MAPK4: variants seen among roughly 807,000 people sequenced by gnomAD.
The protein encoded by MAPK4 is Erk3-related.
A neutral mutation model predicts 47.7 loss-of-function variants in MAPK4; 22 were observed. The observed-to-expected ratio is 0.46, with a 90% CI of 0.33 to 0.66. The LOEUF (loss-of-function observed/expected upper bound fraction) is 0.66. Among genes scored for constraint, MAPK4 ranks in the 30% least tolerant of loss-of-function variants. The probability of loss-of-function intolerance (pLI) is 0.02; values close to 1 mark genes in which losing one functional copy is unlikely to be tolerated. For synonymous variants in MAPK4, 390 were observed against 365.7 expected (o/e 1.07, Z -0.76); for missense variants, 736 against 831.7 (o/e 0.88, Z 1.42).
chr18:50,674,045 C>T (rs529579846), intron 2 of MAPK4, among the ~76,000 whole-genome samples: 1 of 152,048 alleles, frequency 6.6e-6, no homozygotes, highest in African/African-American at 2.4e-5. Flanking sequence ...AGTGGGAGGG[C>T]CTCGGTGCAT....
rs551587685 is a variant in MAPK4, at chr18:50,560,925, A to G, written c.-871+682A>G. Among the ~76,000 whole-genome samples the G allele has an allele frequency of 5.3e-5, 8 of 152,378 alleles. No individual in the cohort carries two copies. In the South Asian group the frequency reaches 1.7e-3, roughly 32 times the overall value. Reference sequence around the variant, plus strand: ...CTCCCGGGTTGCTCTCTATCAGGAAAGCAATCGGAAGTCAGGCCGGCTTTT... The same window carrying G: ...CTCCCGGGTTGCTCTCTATCAGGAAGGCAATCGGAAGTCAGGCCGGCTTTT... On this transcript the variant is annotated intron_variant, in intron 1 of 5. Coordinates refer to ENST00000400384, the MANE Select transcript of MAPK4 (RefSeq NM_002747.4).
At chr18:50,661,585 G>A (rs1291381642) in intron 1 of MAPK4, among the ~76,000 whole-genome samples, 2 of 152,208 alleles carry the variant, frequency 1.3e-5, no homozygotes, top group East Asian at 1.9e-4. Flanking sequence ...GGGTGGAGGG[G>A]TGGATGTCAG....
intron 1 of MAPK4, among the ~76,000 whole-genome samples, chr18:50,575,072 C>T (rs181184609): frequency 6.6e-6 from 1 of 152,262 alleles, no homozygotes; most frequent in East Asian, 1.9e-4. Flanking sequence ...GGAAGTGGGG[C>T]CTTCGGGGAG....
intron 2 of MAPK4, among the ~76,000 whole-genome samples, chr18:50,712,591 A>G (rs963388843): frequency 2.7e-5 from 4 of 149,984 alleles, no homozygotes; most frequent in East Asian, 1.9e-4. Flanking sequence ...CTTAGCTCCT[A>G]TCATGACCTG....
intron 1 of MAPK4, among the ~76,000 whole-genome samples, chr18:50,613,257 C>G (rs1292274108): frequency 1.3e-5 from 2 of 152,162 alleles, no homozygotes; most frequent in African/African-American, 4.8e-5. Context: ...AAGAGAGTGT[C>G]TCTTGTTGGC....
At chr18:50,718,924 A>G (rs1910776895) in intron 3 of MAPK4, among the ~76,000 whole-genome samples, 1 of 151,970 alleles carries the variant, frequency 6.6e-6, no homozygotes, top group Non-Finnish European at 1.5e-5. Flanking sequence ...TCTACTAAAA[A>G]TACAAAAAAA....
At chr18:50,579,964 C>A (rs560745371) in intron 1 of MAPK4, among the ~76,000 whole-genome samples, 1 of 152,296 alleles carries the variant, frequency 6.6e-6, no homozygotes, top group African/African-American at 2.4e-5. Context: ...CTACTCACTT[C>A]AATTTGGTGA....
chr18:50,664,076 A>G lies in MAPK4; in HGVS notation c.118A>G (p.Ser40Gly). 6.2e-7 allele frequency: 1 copy of G among 1,613,944 alleles called. No homozygotes were observed. The highest frequency in any genetic ancestry group is 8.5e-7 in the Non-Finnish European group (1 of 1,180,034). The part of the protein sequence containing the change: ...VNGLVLSAVD[S>G]RACRKVAVKK... ...TGGTTTGGTGCTGTCGGCCGTGGAC[A>G]GCCGGGCCTGCCGGAAGGTCGCTGT... Residue 40 changes from serine (S) to glycine (G), a missense_variant, in exon 2 of 6, where the codon AGC becomes GGC. Physicochemically the swap from Ser to Gly is moderately conservative, Grantham distance 56. Coordinates refer to ENST00000400384, the MANE Select transcript of MAPK4 (RefSeq NM_002747.4). The surrounding 1 kb of genome is among the most constrained non-coding windows in gnomAD (Gnocchi z 6.0).
intron 2 of MAPK4, among the ~76,000 whole-genome samples, chr18:50,668,558 G>T (rs1302428939): frequency 6.6e-6 from 1 of 152,206 alleles, no homozygotes; most frequent in Non-Finnish European, 1.5e-5. Context: ...AGGTCTAGGG[G>T]CCATGTAGAG....
chr18:50,601,132 CAG>C (rs1372340243), intron 1 of MAPK4, among the ~76,000 whole-genome samples: 1 of 148,922 alleles, frequency 6.7e-6, no homozygotes, highest in African/African-American at 2.5e-5. Flanking sequence ...AAGAAGAAGA[CAG>C]AGAGAGAGAC....
chr18:50,601,249 G>C (rs571471963), intron 1 of MAPK4, among the ~76,000 whole-genome samples: 1 of 149,296 alleles, frequency 6.7e-6, no homozygotes, highest in Non-Finnish European at 1.5e-5. Flanking sequence ...TGGGAAGATC[G>C]CTGGAGCCTG....
intron 1 of MAPK4, among the ~76,000 whole-genome samples, chr18:50,625,467 C>T (rs1357632112): frequency 1.3e-5 from 2 of 152,290 alleles, no homozygotes; most frequent in Middle Eastern, 3.4e-3. Context: ...GCAGGAGTCA[C>T]AAACCCCCAT....
At chr18:50,584,876 T>C (rs1021254016) in intron 1 of MAPK4, among the ~76,000 whole-genome samples, 2 of 152,204 alleles carry the variant, frequency 1.3e-5, no homozygotes, top group Admixed American at 6.5e-5. Flanking sequence ...GAATATTGAT[T>C]ACAAACTACA....
At chr18:50,656,417 C>A (rs1489407775) in intron 1 of MAPK4, among the ~76,000 whole-genome samples, 2 of 152,208 alleles carry the variant, frequency 1.3e-5, no homozygotes, top group East Asian at 3.8e-4. Flanking sequence ...GGGATCCCCC[C>A]ATAGGGCTGC....
chr18:50,689,817 G>A (rs1909112350), intron 2 of MAPK4, among the ~76,000 whole-genome samples: 1 of 152,180 alleles, frequency 6.6e-6, no homozygotes, highest in African/African-American at 2.4e-5. Context: ...TTACAAACCA[G>A]TTTAACTATA....
intron 2 of MAPK4, among the ~76,000 whole-genome samples, chr18:50,685,579 C>T (rs890661353): frequency 5.3e-5 from 8 of 152,180 alleles, no homozygotes; most frequent in Non-Finnish European, 8.8e-5. Context: ...TAAAGCCAGC[C>T]GTGGGATTGC....
chr18:50,638,529 C>T (rs2042909392), intron 1 of MAPK4, among the ~76,000 whole-genome samples: 1 of 152,194 alleles, frequency 6.6e-6, no homozygotes, highest in Admixed American at 6.5e-5. Context: ...TGCCGGGTGT[C>T]ACTTTCTCTT....
At chr18:50,596,363 T>C (rs2042481893) in intron 1 of MAPK4, among the ~76,000 whole-genome samples, 1 of 152,164 alleles carries the variant, frequency 6.6e-6, no homozygotes, top group Non-Finnish European at 1.5e-5. Flanking sequence ...TGACTGTAAT[T>C]GACCTGGGAT....
At chr18:50,710,474 C>G (rs1016250704) in intron 2 of MAPK4, among the ~76,000 whole-genome samples, 1 of 151,472 alleles carries the variant, frequency 6.6e-6, no homozygotes, top group Non-Finnish European at 1.5e-5. Flanking sequence ...CAGAGCGAGA[C>G]CCTATCTCAA....
Sources: allele counts gnomAD v4.1 joint callset (sites outside exome capture counted in the v4.1 genomes callset), GRCh38; gene constraint gnomAD v4.1.1; non-coding constraint Gnocchi (gnomAD v3.1); transcripts MANE v1.5; gene names NCBI Gene and HGNC (gene_info 2026-07-23, HGNC 2026-07-21).